Variants in MROH2A observed in about 807,000 individuals in gnomAD.
The protein encoded by MROH2A is maestro heat-like repeat-containing protein family member 2A.
In MROH2A, 174 loss-of-function variants were observed where a neutral mutation model predicts 200.4. The ratio of observed to expected loss-of-function variants is 0.87; its 90% confidence interval spans 0.77 to 0.98. MROH2A has a LOEUF of 0.98. MROH2A is among the 50% of genes least tolerant of loss of function. MROH2A has a pLI of 0.00. For missense variants in MROH2A, 2,045 were observed against 2,139.6 expected (o/e 0.96, Z 0.87); for synonymous variants, 829 against 840.4 (o/e 0.99, Z 0.23).
At chr2:233,792,730 C>T in intron 5 of MROH2A, 66 bp from the exon 6 acceptor site, 12 of 1,030,090 alleles carry the variant, frequency 1.2e-5, no homozygotes, top group Non-Finnish European at 1.6e-5. Flanking sequence ...CAGGGTTGTC[C>T]TCTCTGCCTT....
chr2:233,819,791 C>G, intron 30 of MROH2A, 111 bp from the exon 31 acceptor site: 1 of 1,243,694 alleles, frequency 8.0e-7, no homozygotes, highest in Non-Finnish European at 1.1e-6. Context: ...CGCTTAACCT[C>G]CCCATTGTCC....
chr2:233,793,813 T>C lies in MROH2A; in HGVS notation c.811T>C (p.Tyr271His), dbSNP rs1500481. ...RYFVTVWLRH[Y>H]NPEVKLGVIK... ...CTTCGTGACAGTGTGGCTGAGGCAC[T>C]ACAACCCCGAGGTGAGATGCACCCC... Residue 271 changes from tyrosine to histidine, a missense_variant, in exon 7 of 42, where the codon TAC becomes CAC. This residue lies in a region of MROH2A where 831 missense variants were observed against 800.0 expected (regional missense o/e 1.04). Transcript: ENST00000389758. 0.57 allele frequency: 805,916 copies of C among 1,426,012 alleles called. 229,903 individuals are homozygous for C. Among genetic ancestry groups the C allele is most frequent in the East Asian group, 0.75 (26,239 of 35,180 alleles). 88.3% of individuals were successfully genotyped at this position (1,426,012 alleles called of 1,614,324 possible).
Position 233,807,632 on chromosome 2 carries a change from GTGTGTGTGTACA to G in MROH2A, c.2173-91_2173-80del. On this transcript the variant is annotated intron_variant, in intron 20 of 41. Transcript: ENST00000389758. The surrounding 1 kb of genome is among the most constrained non-coding windows in gnomAD (Gnocchi z 4.3). Reference sequence around the variant, plus strand: ...TCATGTGGCTGCATGCGTTTTGTGTGTGTGTGTGTACATGTGTGTGTGCCTTGCACGTGTGTG... The same window carrying G: ...TCATGTGGCTGCATGCGTTTTGTGTGTGTGTGTGTGCCTTGCACGTGTGTG... 6.5e-7 allele frequency: 1 copy of G among 1,543,268 alleles called. No homozygotes were observed. The highest frequency in any genetic ancestry group is 1.2e-5 in the South Asian group (1 of 83,456).
chr2:233,804,555 G>T lies in MROH2A; in HGVS notation c.1944+8G>T. The T allele has an allele frequency of 1.3e-6, 2 of 1,551,212 alleles. No homozygotes were observed. Among genetic ancestry groups the T allele is most frequent in the African/African-American group, 2.7e-5 (2 of 73,154 alleles). ...GAAGACAAGCTGATTCAGGTAAACG[G>T]GTAACAAGTTTGCTGAGGCCTGGGA... On this transcript the variant is annotated splice_region_variant and intron_variant, in intron 18 of 41. Coordinates refer to ENST00000389758, the MANE Select transcript of MROH2A (RefSeq NM_001394639.1).
intron 35 of MROH2A, among the ~76,000 whole-genome samples, chr2:233,825,596 C>T (rs1201081146): frequency 6.6e-6 from 1 of 152,102 alleles, no homozygotes; most frequent in Admixed American, 6.6e-5. Context: ...GTCTTTAGGT[C>T]TGTTTATGTG....
chr2:233,807,577 A>G lies in MROH2A; in HGVS notation c.2172+35A>G. 1 of 1,549,328 alleles carries G rather than the reference A, an allele frequency of 6.5e-7. No individual in the cohort carries two copies. The highest frequency in any genetic ancestry group is 8.7e-7 in the Non-Finnish European group (1 of 1,146,460). ...CCTGCAGCCTCCTCCTGTCCACCAG[A>G]TGCCTCTGGACCCTCGGGGACATGT... On this transcript the variant is annotated intron_variant, in intron 20 of 41. Coordinates refer to ENST00000389758, the MANE Select transcript of MROH2A (RefSeq NM_001394639.1). The surrounding 1 kb of genome is among the most constrained non-coding windows in gnomAD (Gnocchi z 4.3).
intron 3 of MROH2A, among the ~76,000 whole-genome samples, chr2:233,787,586 C>A (rs1575902445): frequency 1.4e-4 from 2 of 13,878 alleles, no homozygotes; most frequent in African/African-American, 2.4e-4. Flanking sequence ...ATCATATATA[C>A]ATATATATAT....
At position 233,787,586 on chromosome 2, in the gene MROH2A, CAT is replaced by C. The variant is rs201166149; in HGVS notation, c.277-1902_277-1901del. Among the ~76,000 whole-genome samples the C allele has an allele frequency of 5.6e-3, 77 of 13,860 alleles. 17 individuals are homozygous for C. The highest frequency in any genetic ancestry group is 0.012 in the Admixed American group (9 of 756). The allele number at this position is 13,860 out of a possible 152,430, so 9.1% of individuals were successfully genotyped here. Reference sequence around the variant, plus strand: ...ATATATATTATATATATCATATATACATATATATATTATATATTATATATATC... The same window carrying C: ...ATATATATTATATATATCATATATACATATATATTATATATTATATATATC... On this transcript the variant is annotated intron_variant, in intron 3 of 41. Transcript: ENST00000389758.
chr2:233,798,721 C>T (rs560008970), intron 11 of MROH2A, 53 bp from the exon 12 acceptor site: 11 of 1,366,924 alleles, frequency 8.0e-6, no homozygotes, highest in Admixed American at 7.9e-5. Flanking sequence ...GACGAGCCAC[C>T]TGACCTCTCC....
In MROH2A at chr2:233,820,331, T is replaced by C. The variant is rs898312216; in HGVS notation, c.3512+275T>C. 2.0e-5 allele frequency among the ~76,000 whole-genome samples: 3 copies of C among 152,094 alleles called. No individual in the cohort carries two copies. The highest frequency in any genetic ancestry group is 4.4e-5 in the Non-Finnish European group (3 of 68,016). ...GACAGTGTCTGTGGAGTTCATTCTCTCCCAGAGTAGCCCTTTCCTTCCCTG... is the reference window on the plus strand; with the variant it reads ...GACAGTGTCTGTGGAGTTCATTCTCCCCCAGAGTAGCCCTTTCCTTCCCTG... On this transcript the variant is annotated intron_variant, in intron 31 of 41. Coordinates refer to ENST00000389758, the MANE Select transcript of MROH2A (RefSeq NM_001394639.1). This position sits in a 1 kb window ranked among gnomAD's most constrained non-coding sequence, Gnocchi z 4.1.
At chr2:233,821,645 C>T (rs1297831566) in intron 31 of MROH2A, among the ~76,000 whole-genome samples, 1 of 152,220 alleles carries the variant, frequency 6.6e-6, no homozygotes, top group Non-Finnish European at 1.5e-5. Context: ...AGGCCCTTTT[C>T]CAACTGTAGT....
In MROH2A at chr2:233,803,360, C is replaced by G. The variant is rs75223574; in HGVS notation, c.1709-88C>G. ...CAAGATCATGTTGGGGAGGAACCTT[C>G]TAGGGTAAAGTTCCTAGATGGGGAC... On this transcript the variant is annotated intron_variant, in intron 15 of 41. Transcript: ENST00000389758. The G allele has an allele frequency of 1.1e-3, 1,553 of 1,417,802 alleles. 16 individuals carry two copies. The African/African-American group carries it at 0.02, about 18-fold the overall frequency. 87.8% of individuals were successfully genotyped at this position (1,417,802 alleles called of 1,614,324 possible).
rs570012777 is a variant in MROH2A at position 233,828,959 on chromosome 2, G to A, written c.4333G>A (p.Val1445Met). The A allele has an allele frequency of 3.1e-5, 48 of 1,550,560 alleles. No individual in the cohort carries two copies. Among genetic ancestry groups the A allele is most frequent in the South Asian group, 4.8e-5 (4 of 84,066 alleles). Reference sequence around the variant, plus strand: ...CCTGAGGGAGCCCGTGAGCAACAGCGTGACTGCCGAGGGCATGGAGGCCCT... The same window carrying A: ...CCTGAGGGAGCCCGTGAGCAACAGCATGACTGCCGAGGGCATGGAGGCCCT... ...GPLREPVSNSVTAEGMEALTK... is the reference protein window; with the variant it reads ...GPLREPVSNSMTAEGMEALTK... The change falls in exon 37 of 42, where the codon GTG becomes ATG. Residue 1445 changes from valine (V) to methionine (M), a missense_variant. This residue lies in a region of MROH2A where 1,201 missense variants were observed against 1,311.3 expected (regional missense o/e 0.92). Coordinates refer to ENST00000389758, the MANE Select transcript of MROH2A (RefSeq NM_001394639.1). The surrounding 1 kb of genome is among the most constrained non-coding windows in gnomAD (Gnocchi z 4.6).
chr2:233,788,781 C>CA (rs1248393083), intron 3 of MROH2A, among the ~76,000 whole-genome samples: 2 of 150,488 alleles, frequency 1.3e-5, no homozygotes, highest in Admixed American at 6.6e-5. Flanking sequence ...ACTAAAAATA[C>CA]AAAAAAAATT....
chr2:233,806,285 GA>G (rs1702785240), intron 19 of MROH2A, among the ~76,000 whole-genome samples: 1 of 152,054 alleles, frequency 6.6e-6, no homozygotes, highest in South Asian at 2.1e-4. Context: ...AAAGACGAGG[GA>G]AAAGAGGTAA....
intron 13 of MROH2A, 81 bp from the exon 14 acceptor site, chr2:233,800,123 TG>T: frequency 8.8e-7 from 1 of 1,135,584 alleles, no homozygotes; most frequent in Non-Finnish European, 1.3e-6. Context: ...ATGGAGCCCC[TG>T]GGGAGTGAGG....
rs187497935 is a variant in MROH2A, at chr2:233,781,566, C to T, written c.276+1714C>T. ...GAGAAATGTCTGTTCAGATCTTTTG[C>T]CCATTTTTAAATTTGATTTTTTTGC... On this transcript the variant is annotated intron_variant, in intron 3 of 41. Transcript: ENST00000389758. Among the ~76,000 whole-genome samples the T allele has an allele frequency of 2.8e-4, 42 of 152,142 alleles. No homozygotes were observed. In the East Asian group the frequency reaches 6.9e-3, roughly 25 times the overall value.
At chr2:233,830,857 C>T (rs1350751024) in intron 38 of MROH2A, among the ~76,000 whole-genome samples, 4 of 152,226 alleles carry the variant, frequency 2.6e-5, no homozygotes, top group Non-Finnish European at 5.9e-5. Context: ...CTGTCTTCAG[C>T]CCACACTGTT....
At chr2:233,784,674 C>G (rs1330086165) in intron 3 of MROH2A, among the ~76,000 whole-genome samples, 1 of 152,188 alleles carries the variant, frequency 6.6e-6, no homozygotes, top group Non-Finnish European at 1.5e-5. Flanking sequence ...TCCCTCATCA[C>G]ATGATGCACT....
Sources: allele counts gnomAD v4.1 joint callset (sites outside exome capture counted in the v4.1 genomes callset), GRCh38; gene constraint gnomAD v4.1.1; regional missense constraint gnomAD v4.1.1; non-coding constraint Gnocchi (gnomAD v3.1); transcripts MANE v1.5; gene names NCBI Gene and HGNC (gene_info 2026-07-23, HGNC 2026-07-21).